IL6R: variants seen among roughly 807,000 people sequenced by gnomAD.
IL6R encodes interleukin 6 receptor.
IL6R carries 38 observed loss-of-function variants against 48.3 expected under a neutral mutation model. The observed-to-expected ratio is 0.79, with a 90% confidence interval of 0.61 to 1.03. The LOEUF (loss-of-function observed/expected upper bound fraction) is 1.03. Ranked by LOEUF, IL6R falls within the 50% of genes least tolerant of loss-of-function variation. The pLI is 0.00. For missense variants in IL6R, 534 were observed against 618.3 expected (o/e 0.86, Z 1.45); for synonymous variants, 264 against 256.2 (o/e 1.03, Z -0.29).
intron 6 of IL6R, among the ~76,000 whole-genome samples, chr1:154,445,325 C>T (rs1428897081): frequency 6.6e-6 from 1 of 152,160 alleles, no homozygotes; most frequent in Non-Finnish European, 1.5e-5. Flanking sequence ...ACCACTTTAA[C>T]CCCAGAAACC....
chr1:154,423,466 A>G (rs1570940270), intron 1 of IL6R, among the ~76,000 whole-genome samples: 1 of 150,752 alleles, frequency 6.6e-6, no homozygotes, highest in African/African-American at 2.4e-5. Flanking sequence ...CCCCACTGCC[A>G]CCCAGCTGTC....
At chr1:154,454,226 GTC>G (rs1690745788) in intron 8 of IL6R, 2 of 508,474 alleles carry the variant, frequency 3.9e-6, no homozygotes, top group African/African-American at 3.8e-5. Flanking sequence ...AGCTTGAGGT[GTC>G]TCTCTTGCCA....
chr1:154,460,414 C>A (rs1691180960), intron 9 of IL6R, among the ~76,000 whole-genome samples: 1 of 100,708 alleles, frequency 9.9e-6, no homozygotes, highest in Non-Finnish European at 2.4e-5. Flanking sequence ...TCTTTGTTAC[C>A]CATTCAGTTA....
At chr1:154,411,490 A>T (rs1688016592) in intron 1 of IL6R, among the ~76,000 whole-genome samples, 1 of 152,152 alleles carries the variant, frequency 6.6e-6, no homozygotes, top group Non-Finnish European at 1.5e-5. Context: ...AAGCCCTGAG[A>T]GTGGCTGAGG....
intron 8 of IL6R, 126 bp downstream of exon 8, chr1:154,450,106 G>GTGTGTA: frequency 3.1e-6 from 1 of 327,806 alleles, no homozygotes; most frequent in African/African-American, 3.0e-5. Flanking sequence ...GAAATGTTCT[G>GTGTGTA]TGTGTGTGTG....
At position 154,444,939 on chromosome 1, in the gene IL6R, GC is replaced by G. The variant is rs552532300; in HGVS notation, c.950-3178del. On this transcript the variant is annotated intron_variant, in intron 6 of 9. Transcript: ENST00000368485. ...GACTCCTTAACTGCCCCCCACACCC[GC>G]CCCCCCCAAATGAGGAAGGGTGAAA... 70 of 320,646 alleles carry G rather than the reference GC, an allele frequency of 2.2e-4. 1 individual carries two copies. The highest frequency in any genetic ancestry group is 3.1e-4 in the Non-Finnish European group (48 of 157,106). 19.9% of individuals were successfully genotyped at this position (320,646 alleles called of 1,614,324 possible). A position where few individuals can be genotyped will look rare whatever the true frequency, so the allele number is the denominator to read the frequency against.
chr1:154,441,784 G>A (rs1049062566), intron 6 of IL6R, among the ~76,000 whole-genome samples: 1 of 152,104 alleles, frequency 6.6e-6, no homozygotes, highest in Non-Finnish European at 1.5e-5. Context: ...CCCAGACTAG[G>A]TGTGGGAGTG....
In IL6R at chr1:154,467,684, T is replaced by G. The variant is rs1691621988; in HGVS notation, c.*2304T>G. The G allele has an allele frequency of 6.6e-6, 1 of 152,178 alleles. No homozygotes were observed. Among genetic ancestry groups the G allele is most frequent in the African/African-American group, 2.4e-5 (1 of 41,418 alleles). The allele number at this position is 152,178 out of a possible 1,614,324, so 9.4% of individuals were successfully genotyped here. A position where few individuals can be genotyped will look rare whatever the true frequency, so the allele number is the denominator to read the frequency against. ...GGGAGGCCAAGGTGGGAGGATTGCT[T>G]GAGCTCAGGAGTTTGAGACCAACCT... is the stretch of plus-strand genomic sequence containing the variant. On this transcript the variant is annotated 3_prime_UTR_variant, in exon 10 of 10. Transcript: ENST00000368485.
At chr1:154,431,930 A>C (rs7553796) in intron 3 of IL6R, among the ~76,000 whole-genome samples, 90,307 of 152,050 alleles carry the variant, frequency 0.59, 27,253 homozygotes, top group African/African-American at 0.66. Context: ...GTGATTATTT[A>C]TGGAATTTCC....
At chr1:154,418,391 G>T (rs1469230613) in intron 1 of IL6R, 1 of 984,588 alleles carries the variant, frequency 1.0e-6, no homozygotes, top group Non-Finnish European at 1.2e-6. Flanking sequence ...CTCTCCAGCA[G>T]TGTACAGTCC....
rs1449091354 is a variant in IL6R, at chr1:154,453,136, C to T, written c.1067-1352C>T. 5.3e-5 allele frequency among the ~76,000 whole-genome samples: 8 copies of T among 152,038 alleles called. No individual in the cohort carries two copies. The South Asian group carries it at 6.2e-4, about 12-fold the overall frequency. ...AGGAGAATTGCTTGAACCCGGGAGGCGGAGGCTGCAGTGAGCGGAGATCAC... is the reference window on the plus strand; with the variant it reads ...AGGAGAATTGCTTGAACCCGGGAGGTGGAGGCTGCAGTGAGCGGAGATCAC... On this transcript the variant is annotated intron_variant, in intron 8 of 9. Coordinates refer to ENST00000368485, the MANE Select transcript of IL6R (RefSeq NM_000565.4).
intron 1 of IL6R, among the ~76,000 whole-genome samples, chr1:154,406,185 C>A (rs1687705816): frequency 6.6e-6 from 1 of 152,040 alleles, no homozygotes; most frequent in Admixed American, 6.5e-5. Flanking sequence ...TGGTCCTCCC[C>A]CCACCCCCGC....
intron 3 of IL6R, among the ~76,000 whole-genome samples, chr1:154,432,593 G>C (rs1361664620): frequency 6.6e-6 from 1 of 152,096 alleles, no homozygotes; most frequent in Non-Finnish European, 1.5e-5. Flanking sequence ...TCTGACCTAG[G>C]GTGATCCGCC....
At chr1:154,426,824 G>A (rs1689002849) in intron 1 of IL6R, among the ~76,000 whole-genome samples, 3 of 152,110 alleles carry the variant, frequency 2.0e-5, no homozygotes, top group Non-Finnish European at 4.4e-5. Context: ...AAGCTATACT[G>A]TAGTTGTGGC....
In IL6R at chr1:154,430,515, C is replaced by T. The variant is rs975497412; in HGVS notation, c.367C>T (p.Arg123Trp). 1.2e-6 allele frequency: 2 copies of T among 1,613,860 alleles called. No individual in the cohort carries two copies. The highest frequency in any genetic ancestry group is 1.7e-6 in the Non-Finnish European group (2 of 1,179,942). The change falls in exon 3 of 10, where the codon CGG (arginine) becomes TGG (tryptophan). Residue 123 changes from arginine (R) to tryptophan (W), a missense_variant. Arg to Trp is a moderately radical substitution (Grantham distance 101). Transcript: ENST00000368485. ...CGAGGAGCCCCAGCTCTCCTGCTTC[C>T]GGAAGAGCCCCCTCAGCAATGTTGT... is the stretch of plus-strand genomic sequence containing the variant. ...PPEEPQLSCF[R>W]KSPLSNVVCE...
Position 154,466,861 on chromosome 1 carries a change from AAAAG to A in IL6R, c.*1485_*1488del, listed in dbSNP as rs1691571438. 1 of 158,182 alleles carries A rather than the reference AAAAG, an allele frequency of 6.3e-6. No homozygotes were observed. The highest frequency in any genetic ancestry group is 1.7e-4 in the East Asian group (1 of 5,760). 9.8% of individuals were successfully genotyped at this position (158,182 alleles called of 1,614,324 possible). On this transcript the variant is annotated 3_prime_UTR_variant, in exon 10 of 10. Coordinates refer to ENST00000368485, the MANE Select transcript of IL6R (RefSeq NM_000565.4). Reference sequence around the variant, plus strand: ...AGTGAGACCCTGTCTCAAAAAAAGAAAAAGAAAAAGAAAAAATATTTTCCCTATT... The same window carrying A: ...AGTGAGACCCTGTCTCAAAAAAAGAAAAAAAGAAAAAATATTTTCCCTATT...
chr1:154,462,162 A>C, intron 9 of IL6R, among the ~76,000 whole-genome samples: 1 of 152,106 alleles, frequency 6.6e-6, no homozygotes, highest in East Asian at 1.9e-4. Flanking sequence ...ATTTTTGTCA[A>C]CCCTGTGGAG....
chr1:154,434,813 T>G, intron 4 of IL6R, 113 bp downstream of exon 4: 1 of 1,254,274 alleles, frequency 8.0e-7, no homozygotes, highest in East Asian at 2.4e-5. Flanking sequence ...GGTGAGTTGG[T>G]GCCTTTTGGG....
chr1:154,456,025 C>T (rs1690865822), intron 9 of IL6R, among the ~76,000 whole-genome samples: 1 of 151,484 alleles, frequency 6.6e-6, no homozygotes, highest in Admixed American at 6.6e-5. Context: ...CCACTGCAAT[C>T]CAGCCTGGGT....
Sources: allele counts gnomAD v4.1 joint callset (sites outside exome capture counted in the v4.1 genomes callset), GRCh38; gene constraint gnomAD v4.1.1; transcripts MANE v1.5; gene names NCBI Gene and HGNC (gene_info 2026-07-23, HGNC 2026-07-21).